Variants in ZNF813 observed in about 807,000 individuals in gnomAD.
The protein encoded by ZNF813 is zinc finger protein 813.
ZNF813 carries 3 observed loss-of-function variants against 7.2 expected under a neutral mutation model. The ratio of observed to expected loss-of-function variants is 0.42; its 90% CI spans 0.19 to 1.08. The LOEUF is 1.08. Ranked by LOEUF, ZNF813 falls within the 50% of genes least tolerant of loss-of-function variation. The probability of loss-of-function intolerance (pLI) is 0.30; values close to 1 mark genes in which losing one functional copy is unlikely to be tolerated. For synonymous variants in ZNF813, 227 were observed against 256.3 expected (o/e 0.89, Z 1.09); for missense variants, 714 against 753.3 (o/e 0.95, Z 0.61).
chr19:53,490,622 T>C lies in ZNF813; in HGVS notation c.390T>C (p.His130=), dbSNP rs2086455166. The part of the protein sequence containing the change: ...TGSADRYDQR[H]AGNKPIKDQL... Reference sequence around the variant, plus strand: ...GTGCAGACCGATATGATCAAAGGCATGCTGGAAACAAGCCTATTAAAGATC... The same window carrying C: ...GTGCAGACCGATATGATCAAAGGCACGCTGGAAACAAGCCTATTAAAGATC... Residue 130 remains histidine (H), a synonymous_variant, in exon 4 of 4, where the codon CAT becomes CAC. Transcript: ENST00000396403. 3 of 1,614,082 alleles carry C rather than the reference T, an allele frequency of 1.9e-6. No homozygotes were observed. The African/African-American group carries it at 4.0e-5, about 22-fold the overall frequency.
chr19:53,471,538 G>T (rs150866769), intron 1 of ZNF813, among the ~76,000 whole-genome samples: 6 of 152,068 alleles, frequency 3.9e-5, no homozygotes, highest in Non-Finnish European at 8.8e-5. Flanking sequence ...GGCTGGGTGC[G>T]GTGGCTCACA....
chr19:53,485,776 T>C (rs1218615877), intron 2 of ZNF813, among the ~76,000 whole-genome samples: 1 of 152,152 alleles, frequency 6.6e-6, no homozygotes, highest in African/African-American at 2.4e-5. Flanking sequence ...TGGCGTGATC[T>C]TAGCTCACTG....
intron 1 of ZNF813, among the ~76,000 whole-genome samples, chr19:53,470,044 C>T (rs148266188): frequency 0.37 from 55,562 of 151,404 alleles, 10,787 homozygotes; most frequent in African/African-American, 0.49. Context: ...TGATTGGTCA[C>T]ATAATCTATA....
intron 1 of ZNF813, among the ~76,000 whole-genome samples, chr19:53,479,198 G>C (rs1207486616): frequency 6.6e-6 from 1 of 152,176 alleles, no homozygotes; most frequent in Non-Finnish European, 1.5e-5. Context: ...GCCCCCCAAA[G>C]TGCTGGGATT....
Position 53,491,310 on chromosome 19 carries a change from T to C in ZNF813, c.1078T>C (p.Cys360Arg). Residue 360 changes from cysteine to arginine, a missense_variant, in exon 4 of 4, where the codon TGT becomes CGT. Physicochemically the swap from Cys to Arg is radical, Grantham distance 180. Transcript: ENST00000396403. ...AGAGAAACCTTTCAAGTGTAATGAG[T>C]GTGGCAAGACCTTTAGTCGGAAGTC... ...TGEKPFKCNE[C>R]GKTFSRKSSL... is the part of the protein sequence containing the mutation. 2.5e-6 allele frequency: 4 copies of C among 1,614,132 alleles called. No homozygotes were observed. The highest frequency in any genetic ancestry group is 3.4e-6 in the Non-Finnish European group (4 of 1,180,016).
rs867641186 is a variant in ZNF813 at position 53,469,559 on chromosome 19, T to C, written c.-74+1770T>C. 5.9e-5 allele frequency among the ~76,000 whole-genome samples: 9 copies of C among 151,650 alleles called. No homozygotes were observed. In the South Asian group the frequency reaches 1.0e-3, roughly 18 times the overall value. ...AGAGACAACGAAAGTGAAAAAAATATATATAAGAAAGCAGGAGGAGAAAAG... is the reference window on the plus strand; with the variant it reads ...AGAGACAACGAAAGTGAAAAAAATACATATAAGAAAGCAGGAGGAGAAAAG... On this transcript the variant is annotated intron_variant, in intron 1 of 3. Coordinates refer to ENST00000396403, the MANE Select transcript of ZNF813 (RefSeq NM_001004301.4).
At chr19:53,485,595 T>A (rs906537190) in intron 2 of ZNF813, among the ~76,000 whole-genome samples, 1 of 150,368 alleles carries the variant, frequency 6.7e-6, no homozygotes, top group Non-Finnish European at 1.5e-5. Context: ...CATATGTATG[T>A]CATGATATAT....
chr19:53,490,229 A>G, intron 3 of ZNF813, 146 bp from the exon 4 acceptor site: 1 of 966,972 alleles, frequency 1.0e-6, no homozygotes, highest in South Asian at 1.7e-5. Flanking sequence ...TTATCTAATA[A>G]AGAATCTTAC....
At chr19:53,468,219 G>GGCCCCCCCCCCCCC in intron 1 of ZNF813, among the ~76,000 whole-genome samples, 1 of 52,964 alleles carries the variant, frequency 1.9e-5, no homozygotes, top group East Asian at 7.0e-4. Context: ...GCGCCCTCGC[G>GGCCCCCCCCCCCCC]CCCCCCCCCC....
chr19:53,479,772 C>T, intron 1 of ZNF813: 2 of 1,283,306 alleles, frequency 1.6e-6, no homozygotes, highest in Non-Finnish European at 1.1e-6. Context: ...ATGGAATGCA[C>T]AGAAGAATGA....
Position 53,469,801 on chromosome 19 carries a change from CA to C in ZNF813, c.-74+2013del, listed in dbSNP as rs1275891100. Among the ~76,000 whole-genome samples the C allele has an allele frequency of 6.5e-3, 945 of 145,716 alleles. 1 individual carries two copies. Among genetic ancestry groups the C allele is most frequent in the African/African-American group, 0.018 (726 of 39,266 alleles). ...GATCTAGGCTGCCAGAGAGTGGGGA[CA>C]GGGGGTATAACAGGGAAGAGAGAAT... is the stretch of plus-strand genomic sequence containing the variant. On this transcript the variant is annotated intron_variant, in intron 1 of 3. Transcript: ENST00000396403.
chr19:53,477,719 G>A (rs1381488543), intron 1 of ZNF813, among the ~76,000 whole-genome samples: 1 of 152,082 alleles, frequency 6.6e-6, no homozygotes, highest in African/African-American at 2.4e-5. Flanking sequence ...TACTCTGGAG[G>A]CCGAGGCAGG....
At chr19:53,473,722 T>C (rs1392509714) in intron 1 of ZNF813, among the ~76,000 whole-genome samples, 2 of 152,246 alleles carry the variant, frequency 1.3e-5, no homozygotes, top group East Asian at 3.8e-4. Flanking sequence ...AGTTATGGGC[T>C]TCTTGCATGG....
rs1423606339 is a variant in ZNF813 at position 53,492,427 on chromosome 19, CAT to C, written c.*343_*344del. 6.8e-6 allele frequency: 3 copies of C among 440,932 alleles called. No individual in the cohort carries two copies. The highest frequency in any genetic ancestry group is 1.3e-5 in the Non-Finnish European group (3 of 233,486). 27.3% of individuals were successfully genotyped at this position (440,932 alleles called of 1,614,324 possible). A position where few individuals can be genotyped will look rare whatever the true frequency, so the allele number is the denominator to read the frequency against. On this transcript the variant is annotated 3_prime_UTR_variant, in exon 4 of 4. Coordinates refer to ENST00000396403, the MANE Select transcript of ZNF813 (RefSeq NM_001004301.4). ...CAGTCACAAGTCAAACCTTGAAAGACATAAAATAAATCATACTGCAGAGAAAC... is the reference window on the plus strand; with the variant it reads ...CAGTCACAAGTCAAACCTTGAAAGACAAAATAAATCATACTGCAGAGAAAC...
Position 53,491,673 on chromosome 19 carries a change from G to T in ZNF813, c.1441G>T (p.Ala481Ser), listed in dbSNP as rs370608213. The T allele has an allele frequency of 1.2e-6, 2 of 1,613,178 alleles. No homozygotes were observed. The highest frequency in any genetic ancestry group is 1.7e-6 in the Non-Finnish European group (2 of 1,179,806). The change falls in exon 4 of 4, where the codon GCC (alanine) becomes TCC (serine). Residue 481 changes from alanine (A) to serine (S), a missense_variant. By Grantham distance (99) the Ala-to-Ser change is moderately conservative. Coordinates refer to ENST00000396403, the MANE Select transcript of ZNF813 (RefSeq NM_001004301.4). ...TGGCAAGACGTTCAGTCGAATTTCAGCCCTCGTAATTCATACGGCAATTCA... is the reference window on the plus strand; with the variant it reads ...TGGCAAGACGTTCAGTCGAATTTCATCCCTCGTAATTCATACGGCAATTCA... Reference protein sequence around the residue: ...ECGKTFSRISALVIHTAIHTG... With the variant: ...ECGKTFSRISSLVIHTAIHTG...
At chr19:53,479,468 C>T (rs2617687) in intron 1 of ZNF813, 2 of 1,499,132 alleles carry the variant, frequency 1.3e-6, no homozygotes, top group Admixed American at 1.7e-5. Context: ...GAAAGGTGGG[C>T]CCGGGAACAG....
Position 53,490,616 on chromosome 19 carries a change from A to C in ZNF813, c.384A>C (p.Gln128His), listed in dbSNP as rs2086455107. 1.2e-6 allele frequency: 2 copies of C among 1,614,094 alleles called. No individual in the cohort carries two copies. Among genetic ancestry groups the C allele is most frequent in the Non-Finnish European group, 1.7e-6 (2 of 1,180,044 alleles). ...CTGGTAGTGCAGACCGATATGATCA[A>C]AGGCATGCTGGAAACAAGCCTATTA... ...KLTGSADRYDQRHAGNKPIKD... is the reference protein window; with the variant it reads ...KLTGSADRYDHRHAGNKPIKD... The change falls in exon 4 of 4, where the codon CAA becomes CAC. Residue 128 changes from glutamine to histidine, a missense_variant. By Grantham distance (24) the Gln-to-His change is conservative. Transcript: ENST00000396403.
At chr19:53,468,969 C>T (rs1313235316) in intron 1 of ZNF813, among the ~76,000 whole-genome samples, 2 of 124,458 alleles carry the variant, frequency 1.6e-5, no homozygotes, top group East Asian at 4.2e-4. Flanking sequence ...CTCAGGCTGT[C>T]TCAGTGGGGG....
At chr19:53,477,762 A>T (rs575326704) in intron 1 of ZNF813, among the ~76,000 whole-genome samples, 65 of 152,266 alleles carry the variant, frequency 4.3e-4, no homozygotes, top group African/African-American at 1.3e-3. Context: ...TCCAGGCTGC[A>T]GTGAGCCGAG....
Sources: allele counts gnomAD v4.1 joint callset (sites outside exome capture counted in the v4.1 genomes callset), GRCh38; gene constraint gnomAD v4.1.1; transcripts MANE v1.5; gene names NCBI Gene and HGNC (gene_info 2026-07-23, HGNC 2026-07-21).